Variants in ARHGEF28 observed in about 807,000 individuals in gnomAD.
ARHGEF28 encodes 190 kDa guanine nucleotide exchange factor.
In ARHGEF28, 152 loss-of-function variants were observed where a neutral mutation model predicts 206.6. That is an observed-to-expected ratio of 0.74 (90% confidence interval 0.64 to 0.84). The LOEUF (loss-of-function observed/expected upper bound fraction) is 0.84, where lower values mean the gene tolerates loss of function less well. ARHGEF28 is among the 40% of genes least tolerant of loss of function. The pLI is 0.00. For synonymous variants in ARHGEF28, 763 were observed against 776.4 expected, an observed-to-expected ratio of 0.98 and a Z score of 0.29; for missense variants, 2,028 against 2,073.2, an observed-to-expected ratio of 0.98 and a Z score of 0.42.
In ARHGEF28 at chr5:73,749,938, G is replaced by A. The variant is rs191703063; in HGVS notation, c.135G>A (p.Met45Ile). Reference sequence around the variant, plus strand: ...ACGGATCTCATCAGCGACATGTCATGATTGCAGAGCGCATCGAGGATAACG... The same window carrying A: ...ACGGATCTCATCAGCGACATGTCATAATTGCAGAGCGCATCGAGGATAACG... Reference protein sequence around the residue: ...TYDGSHQRHVMIAERIEDNVL... With the variant: ...TYDGSHQRHVIIAERIEDNVL... Residue 45 changes from methionine (M) to isoleucine (I), a missense_variant, in exon 3 of 36, where the codon ATG becomes ATA. Physicochemically the swap from Met to Ile is conservative, Grantham distance 10 (BLOSUM62 1). Around this residue, in one of 3 missense-constraint regions of ARHGEF28, gnomAD observed 1,002 missense variants for 1,015.3 expected, o/e 0.99. Transcript: ENST00000513042. The A allele has an allele frequency of 1.1e-5, 18 of 1,614,024 alleles. No individual in the cohort carries two copies. The Admixed American group carries it at 2.8e-4, about 25-fold the overall frequency.
intron 2 of ARHGEF28, among the ~76,000 whole-genome samples, chr5:73,695,862 A>G (rs1007114905): frequency 6.6e-6 from 1 of 152,178 alleles, no homozygotes; most frequent in African/African-American, 2.4e-5. Context: ...ACTCGCAGCC[A>G]TATCATTTAT....
chr5:73,638,527 A>G (rs191068367), intron 1 of ARHGEF28, among the ~76,000 whole-genome samples: 1 of 152,356 alleles, frequency 6.6e-6, no homozygotes, highest in East Asian at 1.9e-4. Flanking sequence ...TTTGAGTTAC[A>G]TTGAAGACCA....
intron 1 of ARHGEF28, among the ~76,000 whole-genome samples, chr5:73,661,329 C>T (rs2112190886): frequency 6.6e-6 from 1 of 152,262 alleles, no homozygotes; most frequent in Non-Finnish European, 1.5e-5. Flanking sequence ...CTGGATTAGG[C>T]TTTAGCTTAA....
chr5:73,734,748 G>C (rs563389895), intron 2 of ARHGEF28, among the ~76,000 whole-genome samples: 2 of 152,230 alleles, frequency 1.3e-5, no homozygotes, highest in East Asian at 3.9e-4. Flanking sequence ...ATACCACTTT[G>C]CCAAATTAGA....
At chr5:73,690,041 TA>T (rs1372516685) in intron 2 of ARHGEF28, among the ~76,000 whole-genome samples, 5 of 142,796 alleles carry the variant, frequency 3.5e-5, no homozygotes, top group African/African-American at 1.3e-4. Flanking sequence ...AAGATATTTT[TA>T]TTTTGGTTTT....
chr5:73,732,305 G>T (rs1295926016), intron 2 of ARHGEF28, among the ~76,000 whole-genome samples: 1 of 151,572 alleles, frequency 6.6e-6, no homozygotes, highest in Non-Finnish European at 1.5e-5. Context: ...TCATAGAGTT[G>T]GCATCATGTA....
intron 2 of ARHGEF28, among the ~76,000 whole-genome samples, chr5:73,697,598 C>T (rs899802480): frequency 1.3e-5 from 2 of 152,082 alleles, no homozygotes; most frequent in Admixed American, 1.3e-4. Flanking sequence ...ACAGAGCCAC[C>T]AGTCCCCCTC....
intron 2 of ARHGEF28, among the ~76,000 whole-genome samples, chr5:73,720,792 A>G (rs1749893072): frequency 6.6e-6 from 1 of 152,174 alleles, no homozygotes; most frequent in Non-Finnish European, 1.5e-5. Context: ...GTATGTCTCA[A>G]AGTTGACATC....
intron 5 of ARHGEF28, 82 bp from the exon 6 acceptor site, chr5:73,776,434 C>T (rs1753544971): frequency 7.8e-7 from 1 of 1,286,548 alleles, no homozygotes. Context: ...TTTGTAAGAT[C>T]AGGGGCAGTG....
At chr5:73,637,155 T>C (rs1743769842) in intron 1 of ARHGEF28, among the ~76,000 whole-genome samples, 1 of 152,218 alleles carries the variant, frequency 6.6e-6, no homozygotes. Flanking sequence ...TTTTAACATA[T>C]TGAACTTAAT....
chr5:73,681,718 G>GGCACAA (rs1406505136), intron 1 of ARHGEF28, among the ~76,000 whole-genome samples: 1 of 152,120 alleles, frequency 6.6e-6, no homozygotes, highest in Non-Finnish European at 1.5e-5. Flanking sequence ...GCTAGGCTAA[G>GGCACAA]GCACAAGAAT....
intron 1 of ARHGEF28, among the ~76,000 whole-genome samples, chr5:73,643,280 A>T (rs1020958758): frequency 6.6e-6 from 1 of 152,234 alleles, no homozygotes; most frequent in Non-Finnish European, 1.5e-5. Context: ...GCTGTGAGTT[A>T]TAATATTTTA....
intron 2 of ARHGEF28, among the ~76,000 whole-genome samples, chr5:73,738,524 T>G (rs1751165843): frequency 6.6e-6 from 1 of 151,648 alleles, no homozygotes; most frequent in East Asian, 1.9e-4. Flanking sequence ...TGTGTATGTA[T>G]GTGCATGTGT....
chr5:73,673,419 C>T (rs1198303500), intron 1 of ARHGEF28, among the ~76,000 whole-genome samples: 2 of 152,204 alleles, frequency 1.3e-5, no homozygotes, highest in Non-Finnish European at 2.9e-5. Context: ...GGGGACCATT[C>T]AGCTCTATAA....
chr5:73,722,917 T>A (rs955353918), intron 2 of ARHGEF28, among the ~76,000 whole-genome samples: 2 of 152,236 alleles, frequency 1.3e-5, no homozygotes, highest in Non-Finnish European at 2.9e-5. Context: ...TAGACCGTCA[T>A]CTTGAGGCCT....
At position 73,938,156 on chromosome 5, in the gene ARHGEF28, T is replaced by C. The variant is rs1234726975; in HGVS notation, c.4949-2688T>C. Among the ~76,000 whole-genome samples the C allele has an allele frequency of 5.3e-4, 22 of 41,198 alleles. No individual in the cohort carries two copies. In the Admixed American group the frequency reaches 6.1e-3, roughly 11 times the overall value. 27.0% of individuals were successfully genotyped at this position (41,198 alleles called of 152,430 possible). On this transcript the variant is annotated intron_variant, in intron 35 of 35. Transcript: ENST00000513042. ...AAAAGTTCTGATTAAACTTCTACAC[T>C]ACACCACACACACACACACACACAC...
chr5:73,872,505 G>C (rs1760168508), intron 21 of ARHGEF28, among the ~76,000 whole-genome samples: 1 of 152,116 alleles, frequency 6.6e-6, no homozygotes, highest in African/African-American at 2.4e-5. Flanking sequence ...GGAGAAAGTG[G>C]AATTTTGGAG....
rs186294050 is a variant in ARHGEF28, at chr5:73,762,644, G to T, written c.475+9442G>T. ...GTAGTCCCCAATTCTTGTAGTATAT[G>T]ACTCTCCTATGTTTCTTGTCAACAC... On this transcript the variant is annotated intron_variant, in intron 4 of 35. Transcript: ENST00000513042. Among the ~76,000 whole-genome samples the T allele has an allele frequency of 1.5e-3, 232 of 152,142 alleles. 1 individual carries two copies. Among genetic ancestry groups the T allele is most frequent in the African/African-American group, 4.8e-3 (200 of 41,518 alleles).
rs566838042 is a variant in ARHGEF28 at position 73,824,721 on chromosome 5, G to A, written c.1025-7617G>A. ...GACCTCAGGTGATTCACCCACCTTGGCCTCCCAAAGTGCTGGGATTATAGG... is the reference window on the plus strand; with the variant it reads ...GACCTCAGGTGATTCACCCACCTTGACCTCCCAAAGTGCTGGGATTATAGG... On this transcript the variant is annotated intron_variant, in intron 9 of 35. Transcript: ENST00000513042. Among the ~76,000 whole-genome samples the A allele has an allele frequency of 1.2e-3, 184 of 152,200 alleles. 1 individual carries two copies. The highest frequency in any genetic ancestry group is 4.8e-3 in the South Asian group (23 of 4,810).
Sources: allele counts gnomAD v4.1 joint callset (sites outside exome capture counted in the v4.1 genomes callset), GRCh38; gene constraint gnomAD v4.1.1; regional missense constraint gnomAD v4.1.1; transcripts MANE v1.5; gene names NCBI Gene and HGNC (gene_info 2026-07-23, HGNC 2026-07-21).